SDCBP2: variants seen among roughly 807,000 people sequenced by gnomAD.
SDCBP2 encodes syndecan binding protein 2.
SDCBP2 carries 28 observed loss-of-function variants against 30.7 expected under a neutral mutation model. The observed-to-expected ratio is 0.91, with a 90% CI of 0.68 to 1.25. The LOEUF (loss-of-function observed/expected upper bound fraction) is 1.25, where lower values mean the gene tolerates loss of function less well. SDCBP2 is among the 50% of genes most tolerant of loss of function. The probability of loss-of-function intolerance (pLI) is 0.00; values close to 1 mark genes in which losing one functional copy is unlikely to be tolerated. For synonymous variants in SDCBP2, 166 were observed against 157.3 expected (o/e 1.06, Z -0.41); for missense variants, 399 against 379.0 (o/e 1.05, Z -0.44).
At chr20:1,310,666 G>T in intron 8 of SDCBP2, 134 bp downstream of exon 8, 2 of 1,005,514 alleles carry the variant, frequency 2.0e-6, no homozygotes, top group South Asian at 1.5e-5. Context: ...AGGGAGGATA[G>T]AGCTGGCTGA....
Position 1,313,578 on chromosome 20 carries a change from A to G in SDCBP2, c.226-80T>C. On this transcript the variant is annotated intron_variant, in intron 4 of 8. Coordinates refer to ENST00000360779, the MANE Select transcript of SDCBP2 (RefSeq NM_080489.5). This position sits in a 1 kb window ranked among gnomAD's most constrained non-coding sequence, Gnocchi z 5.2. ...AGGAGACACTGGGGTGGGGGTAGGG[A>G]TGGGGAAAGGAGGATGGAGCCGTCC... The G allele has an allele frequency of 6.8e-7, 1 of 1,465,758 alleles. No homozygotes were observed. The allele number at this position is 1,465,758 out of a possible 1,614,324, so 90.8% of individuals were successfully genotyped here.
rs1300111653 is a variant in SDCBP2 at position 1,312,925 on chromosome 20, A to G, written c.385-163T>C. On this transcript the variant is annotated intron_variant, in intron 5 of 8. Coordinates refer to ENST00000360779, the MANE Select transcript of SDCBP2 (RefSeq NM_080489.5). ...AGGTTACCCCATTTACCGGGGAGGAAACACTCTAGGCCTCATAGTTAGGAA... is the reference window on the plus strand; with the variant it reads ...AGGTTACCCCATTTACCGGGGAGGAGACACTCTAGGCCTCATAGTTAGGAA... 3 of 729,016 alleles carry G rather than the reference A, an allele frequency of 4.1e-6. No homozygotes were observed. The East Asian group carries it at 8.1e-5, about 20-fold the overall frequency. The allele number at this position is 729,016 out of a possible 1,614,324, so 45.2% of individuals were successfully genotyped here. A position where few individuals can be genotyped will look rare whatever the true frequency, so the allele number is the denominator to read the frequency against.
rs1234188213 is a variant in SDCBP2, at chr20:1,313,363, G to A, written c.361C>T (p.Leu121=). The A allele has an allele frequency of 6.2e-7, 1 of 1,611,582 alleles. No individual in the cohort carries two copies. The highest frequency in any genetic ancestry group is 2.2e-5 in the East Asian group (1 of 44,860). Reference sequence around the variant, plus strand: ...ACCTGGTCGACCTTCCGCAGCCTCAGCCCGGTCTTGCCGCGCTCGTCCTTG... The same window carrying A: ...ACCTGGTCGACCTTCCGCAGCCTCAACCCGGTCTTGCCGCGCTCGTCCTTG... ...LCKDERGKTG[L]RLRKVDQGLF... is the part of the protein sequence containing the mutation. The change falls in exon 5 of 9, where the codon CTG becomes TTG. Residue 121 remains leucine, a synonymous_variant. Transcript: ENST00000360779. This position sits in a 1 kb window ranked among gnomAD's most constrained non-coding sequence, Gnocchi z 5.2.
Position 1,319,718 on chromosome 20 carries a change from C to T in SDCBP2, c.55-59G>A, listed in dbSNP as rs117325124. The T allele has an allele frequency of 5.5e-4, 789 of 1,422,138 alleles. 6 individuals are homozygous for T. The East Asian group carries it at 0.017, about 30-fold the overall frequency. The allele number at this position is 1,422,138 out of a possible 1,614,324, so 88.1% of individuals were successfully genotyped here. On this transcript the variant is annotated intron_variant, in intron 2 of 8. Coordinates refer to ENST00000360779, the MANE Select transcript of SDCBP2 (RefSeq NM_080489.5). ...GCCAGGACCCCAGGAACCCCAGAGCCTGGAGCTCCATGAGGCCAGGGTCTG... is the reference window on the plus strand; with the variant it reads ...GCCAGGACCCCAGGAACCCCAGAGCTTGGAGCTCCATGAGGCCAGGGTCTG...
intron 2 of SDCBP2, among the ~76,000 whole-genome samples, chr20:1,319,891 A>G (rs1034486950): frequency 6.6e-6 from 1 of 152,196 alleles, no homozygotes; most frequent in Non-Finnish European, 1.5e-5. Context: ...GTCACAACCC[A>G]TTTACTGCCT....
chr20:1,313,008 T>A lies in SDCBP2; in HGVS notation c.385-246A>T, dbSNP rs1450739530. On this transcript the variant is annotated intron_variant, in intron 5 of 8. Transcript: ENST00000360779. The surrounding 1 kb of genome is among the most constrained non-coding windows in gnomAD (Gnocchi z 5.2). ...GGCTGCACTCCGAAACACTCCACTG[T>A]ACCATTCACAAAGGCATGGGCTTCC... 1 of 591,278 alleles carries A rather than the reference T, an allele frequency of 1.7e-6. No homozygotes were observed. The allele number at this position is 591,278 out of a possible 1,614,324, so 36.6% of individuals were successfully genotyped here.
chr20:1,315,761 A>C (rs1398783818), intron 4 of SDCBP2, among the ~76,000 whole-genome samples: 1 of 152,230 alleles, frequency 6.6e-6, no homozygotes, highest in Non-Finnish European at 1.5e-5. Flanking sequence ...AAAGAAAAAA[A>C]AATCAATAAA....
intron 5 of SDCBP2, 83 bp from the exon 6 acceptor site, chr20:1,312,845 G>GGAGTATCAGGAGGAA: frequency 1.4e-6 from 2 of 1,417,608 alleles, no homozygotes; most frequent in Non-Finnish European, 1.9e-6. Flanking sequence ...TTTTCCTCCT[G>GGAGTATCAGGAGGAA]ATACTCCAGG....
chr20:1,313,077 T>TG lies in SDCBP2; in HGVS notation c.384+262dup, dbSNP rs2088704925. 1.7e-6 allele frequency: 1 copy of TG among 590,744 alleles called. No individual in the cohort carries two copies. Among genetic ancestry groups the TG allele is most frequent in the South Asian group, 2.0e-5 (1 of 49,214 alleles). 36.6% of individuals were successfully genotyped at this position (590,744 alleles called of 1,614,324 possible). On this transcript the variant is annotated intron_variant, in intron 5 of 8. Transcript: ENST00000360779. This position sits in a 1 kb window ranked among gnomAD's most constrained non-coding sequence, Gnocchi z 5.2. ...ACCGTCGCCTGGAAGCTAGATGCCC[T>TG]GGGCAGCGAAGGGCAGGTGGGGAAG...
chr20:1,310,673 C>G (rs186455125), intron 8 of SDCBP2, 127 bp downstream of exon 8: 6 of 1,032,296 alleles, frequency 5.8e-6, no homozygotes, highest in Non-Finnish European at 8.8e-6. Context: ...ATAGAGCTGG[C>G]TGAGCCTGTG....
At chr20:1,325,442 C>T (rs533259685) in intron 1 of SDCBP2, 1 of 152,352 alleles carries the variant, frequency 6.6e-6, no homozygotes, top group Non-Finnish European at 1.5e-5. Flanking sequence ...TGGCGGCCTC[C>T]TTGCCGCTTG....
chr20:1,313,653 G>A lies in SDCBP2; in HGVS notation c.226-155C>T. 1.4e-6 allele frequency: 2 copies of A among 1,380,750 alleles called. No homozygotes were observed. The highest frequency in any genetic ancestry group is 3.3e-5 in the South Asian group (2 of 60,198). 85.5% of individuals were successfully genotyped at this position (1,380,750 alleles called of 1,614,324 possible). Reference sequence around the variant, plus strand: ...CACGCTTCTCCCCTAGGGGCGAGAGGAGACGTGGCTCCACGCGGCCACTAG... The same window carrying A: ...CACGCTTCTCCCCTAGGGGCGAGAGAAGACGTGGCTCCACGCGGCCACTAG... On this transcript the variant is annotated intron_variant, in intron 4 of 8. Transcript: ENST00000360779. This position sits in a 1 kb window ranked among gnomAD's most constrained non-coding sequence, Gnocchi z 5.2.
At chr20:1,311,027 C>T (rs916287208) in intron 7 of SDCBP2, 136 bp from the exon 8 acceptor site, 8 of 610,406 alleles carry the variant, frequency 1.3e-5, no homozygotes, top group African/African-American at 1.1e-4. Context: ...AGGGCTGCCT[C>T]GGACCCCGAG....
intron 8 of SDCBP2, 99 bp downstream of exon 8, chr20:1,310,701 G>T (rs2088650527): frequency 1.7e-6 from 2 of 1,146,542 alleles, no homozygotes; most frequent in Non-Finnish European, 2.6e-6. Context: ...TCAGCACTGA[G>T]AAAGTGGAAG....
intron 2 of SDCBP2, 31 bp from the exon 3 acceptor site, chr20:1,319,690 G>A: frequency 1.3e-6 from 2 of 1,514,142 alleles, no homozygotes; most frequent in Admixed American, 2.2e-5. Flanking sequence ...CTGGTCAGCT[G>A]TGGCCAGGAC....
rs183654613 is a variant in SDCBP2 at position 1,316,419 on chromosome 20, T to A, written c.225+1899A>T. 2.3e-4 allele frequency among the ~76,000 whole-genome samples: 35 copies of A among 152,322 alleles called. No homozygotes were observed. The East Asian group carries it at 6.2e-3, about 27-fold the overall frequency. On this transcript the variant is annotated intron_variant, in intron 4 of 8. Coordinates refer to ENST00000360779, the MANE Select transcript of SDCBP2 (RefSeq NM_080489.5). ...GGCAGTTTCTTTTTGAGACAGGGTC[T>A]CACTCTGTCACCCAGGCTGGAGTGC...
intron 4 of SDCBP2, among the ~76,000 whole-genome samples, chr20:1,317,310 T>C (rs1411991135): frequency 1.3e-5 from 2 of 152,220 alleles, no homozygotes; most frequent in Admixed American, 1.3e-4. Flanking sequence ...TGAAGGGTAC[T>C]AACAACTTCT....
rs1001526194 is a variant in SDCBP2 at position 1,312,555 on chromosome 20, G to A, written c.560+32C>T. ...TGTCCTGGGGACATGGCTGGGGTGA[G>A]ACGGAGAGGCTGCCCGGGCCTGGCT... On this transcript the variant is annotated intron_variant, in intron 6 of 8. Transcript: ENST00000360779. 6 of 1,613,500 alleles carry A rather than the reference G, an allele frequency of 3.7e-6. No homozygotes were observed. In the Admixed American group the frequency reaches 5.0e-5, roughly 13 times the overall value.
Position 1,310,241 on chromosome 20 carries a change from C to T in SDCBP2, c.*200G>A. 2.0e-6 allele frequency: 1 copy of T among 502,836 alleles called. No individual in the cohort carries two copies. 31.1% of individuals were successfully genotyped at this position (502,836 alleles called of 1,614,324 possible). On this transcript the variant is annotated 3_prime_UTR_variant, in exon 9 of 9. Transcript: ENST00000360779. ...CGGCTGCCTGTGGGCCCTGCCTGAG[C>T]CTCAGCCTAGCTTGGAGTCTGAGGC...
Sources: gnomAD v4.1 joint callset for allele counts (sites outside exome capture counted in the v4.1 genomes callset) on GRCh38, gnomAD v4.1.1 for gene constraint, Gnocchi (gnomAD v3.1) non-coding constraint, MANE v1.5 for transcripts, NCBI Gene and HGNC (gene_info 2026-07-23, HGNC 2026-07-21) for gene names.